The following KIRREL3 variants were observed in gnomAD, a reference collection of about 807,000 sequenced individuals.
KIRREL3 encodes the protein kirre like nephrin family adhesion molecule 3.
Under a neutral mutation model 89.7 loss-of-function variants are expected in KIRREL3, and 36 were observed. That is an observed-to-expected ratio of 0.40 (90% confidence interval 0.31 to 0.53). The LOEUF (loss-of-function observed/expected upper bound fraction) is 0.53, where lower values mean the gene tolerates loss of function less well. Ranked by LOEUF, KIRREL3 falls within the 20% of genes least tolerant of loss-of-function variation. The pLI, the probability that KIRREL3 is intolerant of heterozygous loss-of-function variation, is 0.49. For missense variants in KIRREL3, 864 were observed against 1,056.6 expected (o/e 0.82, Z 2.53); for synonymous variants, 445 against 441.4 (o/e 1.01, Z -0.10).
rs537283438 is a variant in KIRREL3 at position 126,486,218 on chromosome 11, G to T, written c.434-12752C>A. Among the ~76,000 whole-genome samples, 7 of 152,256 alleles carry T rather than the reference G, an allele frequency of 4.6e-5. No individual in the cohort carries two copies. The highest frequency in any genetic ancestry group is 1.7e-4 in the African/African-American group (7 of 41,540). ...CTGTGCCGGCTCCAGATGACAGAGG[G>T]TGCTACGTGGCCGCCGTCTGCACAG... On this transcript the variant is annotated intron_variant, in intron 4 of 16. Transcript: ENST00000525144. This position sits in a 1 kb window ranked among gnomAD's most constrained non-coding sequence, Gnocchi z 6.2.
rs56276959 is a variant in KIRREL3, at chr11:126,472,703, GGAGAGA to G, written c.591+600_591+605del. ...CCCAGCAGTTACCCTAGGACATAGA[GGAGAGA>G]GAGAGAGAGAGAGAGAGAGAGAGCA... is the stretch of plus-strand genomic sequence containing the variant. On this transcript the variant is annotated intron_variant, in intron 5 of 16. Transcript: ENST00000525144. 2.4e-3 allele frequency among the ~76,000 whole-genome samples: 324 copies of G among 134,228 alleles called. 2 individuals carry two copies. The highest frequency in any genetic ancestry group is 0.02 in the South Asian group (77 of 3,846). The allele number at this position is 134,228 out of a possible 152,430, so 88.1% of individuals were successfully genotyped here. A position where few individuals can be genotyped will look rare whatever the true frequency, so the allele number is the denominator to read the frequency against.
At chr11:126,964,215 C>T (rs1367002817) in intron 1 of KIRREL3, among the ~76,000 whole-genome samples, 2 of 152,126 alleles carry the variant, frequency 1.3e-5, no homozygotes, top group Admixed American at 6.5e-5. Flanking sequence ...GGATTCCAGC[C>T]CAGCTGATAG....
intron 5 of KIRREL3, among the ~76,000 whole-genome samples, chr11:126,466,340 G>T (rs1956725446): frequency 6.6e-6 from 1 of 152,244 alleles, no homozygotes. Flanking sequence ...CCCGTGGAAG[G>T]TCCCAGCACC....
At position 126,424,464 on chromosome 11, in the gene KIRREL3, G is replaced by T; in HGVS notation, c.*116C>A. 1 of 955,288 alleles carries T rather than the reference G, an allele frequency of 1.0e-6. No individual in the cohort carries two copies. Among genetic ancestry groups the T allele is most frequent in the Non-Finnish European group, 1.6e-6 (1 of 638,556 alleles). 59.2% of individuals were successfully genotyped at this position (955,288 alleles called of 1,614,324 possible). On this transcript the variant is annotated 3_prime_UTR_variant, in exon 17 of 17. Transcript: ENST00000525144. ...GAAGGCAGTGGCAGAGGCGCTGGGA[G>T]GCTGTCCTGGAAGTGGCCAATTCTG...
chr11:126,795,810 C>G lies in KIRREL3; in HGVS notation c.55+204645G>C, dbSNP rs1029756090. Among the ~76,000 whole-genome samples the G allele has an allele frequency of 4.4e-4, 67 of 152,232 alleles. No individual in the cohort carries two copies. In the South Asian group the frequency reaches 5.8e-3, roughly 13 times the overall value. ...ACTTCAACCACCAGTTCTTCTTCCC[C>G]CTGTGCACCCCAAGAGCGTACATCA... On this transcript the variant is annotated intron_variant, in intron 1 of 16. Coordinates refer to ENST00000525144, the MANE Select transcript of KIRREL3 (RefSeq NM_032531.4). This position sits in a 1 kb window ranked among gnomAD's most constrained non-coding sequence, Gnocchi z 4.1.
At chr11:126,671,969 C>T (rs1230255371) in intron 1 of KIRREL3, among the ~76,000 whole-genome samples, 1 of 152,192 alleles carries the variant, frequency 6.6e-6, no homozygotes, top group Non-Finnish European at 1.5e-5. Flanking sequence ...CAAAAACCTC[C>T]ACGAGAAGGT....
At chr11:126,803,453 C>G (rs1951104362) in intron 1 of KIRREL3, among the ~76,000 whole-genome samples, 2 of 151,618 alleles carry the variant, frequency 1.3e-5, no homozygotes, top group South Asian at 4.2e-4. Context: ...CTCTTACCTT[C>G]CAAAGAAAAA....
intron 4 of KIRREL3, among the ~76,000 whole-genome samples, chr11:126,493,971 C>A (rs532119058): frequency 6.6e-6 from 1 of 152,100 alleles, no homozygotes; most frequent in African/African-American, 2.4e-5. Context: ...GCTCTTGTCT[C>A]GGGCACAAAC....
chr11:126,899,035 G>T (rs779193992), intron 1 of KIRREL3, among the ~76,000 whole-genome samples: 1 of 151,804 alleles, frequency 6.6e-6, no homozygotes, highest in Admixed American at 6.6e-5. Flanking sequence ...CATTCCTGAG[G>T]TCCCTTTGAC....
intron 1 of KIRREL3, among the ~76,000 whole-genome samples, chr11:126,822,375 G>C (rs553367265): frequency 8.8e-4 from 134 of 152,314 alleles, no homozygotes; most frequent in South Asian, 7.3e-3. Context: ...GAGCCTTGGT[G>C]AGTGCTCTAG....
At chr11:126,831,339 G>T (rs1943598504) in intron 1 of KIRREL3, among the ~76,000 whole-genome samples, 1 of 152,040 alleles carries the variant, frequency 6.6e-6, no homozygotes, top group Non-Finnish European at 1.5e-5. Context: ...TTTCTTGGAG[G>T]CTATGCTCAA....
rs569293604 is a variant in KIRREL3, at chr11:126,987,286, G to A, written c.55+13169C>T. Among the ~76,000 whole-genome samples the A allele has an allele frequency of 9.9e-5, 15 of 152,210 alleles. No homozygotes were observed. In the South Asian group the frequency reaches 2.5e-3, roughly 25 times the overall value. On this transcript the variant is annotated intron_variant, in intron 1 of 16. Transcript: ENST00000525144. This position sits in a 1 kb window ranked among gnomAD's most constrained non-coding sequence, Gnocchi z 4.6. ...GCAAATCTAGCAGAGTCTATAGTAC[G>A]CATAAAGTCAACAATGAACAAGACT...
chr11:126,823,001 T>A (rs1047609921), intron 1 of KIRREL3, among the ~76,000 whole-genome samples: 2 of 152,172 alleles, frequency 1.3e-5, no homozygotes, highest in Non-Finnish European at 2.9e-5. Context: ...TCGAGGAATT[T>A]GTGAGTATCT....
At position 126,522,496 on chromosome 11, in the gene KIRREL3, A is replaced by G. The variant is rs1233823728; in HGVS notation, c.284-1032T>C. 6.6e-6 allele frequency among the ~76,000 whole-genome samples: 1 copy of G among 152,166 alleles called. No homozygotes were observed. The highest frequency in any genetic ancestry group is 1.9e-4 in the East Asian group (1 of 5,188). ...CCAGGTCCTGGTGACGCACTTATGA[A>G]GTGCTCAGGACGCTTAAGAATTGGG... On this transcript the variant is annotated intron_variant, in intron 3 of 16. Coordinates refer to ENST00000525144, the MANE Select transcript of KIRREL3 (RefSeq NM_032531.4). The surrounding 1 kb of genome is among the most constrained non-coding windows in gnomAD (Gnocchi z 6.0).
rs1024863439 is a variant in KIRREL3 at position 126,999,467 on chromosome 11, T to C, written c.55+988A>G. On this transcript the variant is annotated intron_variant, in intron 1 of 16. Coordinates refer to ENST00000525144, the MANE Select transcript of KIRREL3 (RefSeq NM_032531.4). This position sits in a 1 kb window ranked among gnomAD's most constrained non-coding sequence, Gnocchi z 5.7. The stretch of plus-strand genomic sequence containing the variant: ...TTTTACCCTTCATTTAATCAACAGA[T>C]GGACGTGCTCTGTTGTGGATTTTTT... Among the ~76,000 whole-genome samples the C allele has an allele frequency of 6.6e-6, 1 of 152,246 alleles. No individual in the cohort carries two copies. The highest frequency in any genetic ancestry group is 2.4e-5 in the African/African-American group (1 of 41,470).
intron 1 of KIRREL3, among the ~76,000 whole-genome samples, chr11:126,894,437 G>A (rs563062333): frequency 3.3e-5 from 5 of 150,008 alleles, no homozygotes; most frequent in African/African-American, 1.2e-4. Context: ...TGCTGGGCAT[G>A]GTGCCTCATG....
Position 126,877,923 on chromosome 11 carries a change from C to T in KIRREL3, c.55+122532G>A, listed in dbSNP as rs539704652. ...CAGCGTGTTAAGGCTGGAACTCCCC[C>T]CTAGAGACATAGTCCAAGCTTCTCA... On this transcript the variant is annotated intron_variant, in intron 1 of 16. Coordinates refer to ENST00000525144, the MANE Select transcript of KIRREL3 (RefSeq NM_032531.4). The surrounding 1 kb of genome is among the most constrained non-coding windows in gnomAD (Gnocchi z 4.9). 6.6e-6 allele frequency among the ~76,000 whole-genome samples: 1 copy of T among 152,078 alleles called. No individual in the cohort carries two copies. Among genetic ancestry groups the T allele is most frequent in the Admixed American group, 6.5e-5 (1 of 15,274 alleles).
In KIRREL3 at chr11:126,535,317, G is replaced by A. The variant is rs529018197; in HGVS notation, c.134-8630C>T. On this transcript the variant is annotated intron_variant, in intron 2 of 16. Transcript: ENST00000525144. The surrounding 1 kb of genome is among the most constrained non-coding windows in gnomAD (Gnocchi z 4.5). ...CATCTTAATCTCTTTTCTGGGACTC[G>A]CAGCACACATTATCACGGAATGAAC... Among the ~76,000 whole-genome samples, 2 of 152,062 alleles carry A rather than the reference G, an allele frequency of 1.3e-5. No homozygotes were observed. Among genetic ancestry groups the A allele is most frequent in the Non-Finnish European group, 2.9e-5 (2 of 68,022 alleles).
chr11:126,921,363 C>G (rs1592359558), intron 1 of KIRREL3, among the ~76,000 whole-genome samples: 1 of 152,102 alleles, frequency 6.6e-6, no homozygotes, highest in South Asian at 2.1e-4. Context: ...TGAGCCAATT[C>G]ACCTGATAAA....
Sources: gnomAD v4.1 joint callset for allele counts (sites outside exome capture counted in the v4.1 genomes callset) on GRCh38, gnomAD v4.1.1 for gene constraint, Gnocchi (gnomAD v3.1) non-coding constraint, MANE v1.5 for transcripts, NCBI Gene and HGNC (gene_info 2026-07-23, HGNC 2026-07-21) for gene names.